MAP3K2: variants seen among roughly 807,000 people sequenced by gnomAD.
MAP3K2 encodes MAP/ERK kinase kinase 2.
A neutral mutation model predicts 80.3 loss-of-function variants in MAP3K2; 24 were observed. That is an observed-to-expected ratio of 0.30 (90% CI 0.22 to 0.42). The LOEUF (loss-of-function observed/expected upper bound fraction) is 0.42. Among genes scored for constraint, MAP3K2 ranks in the 10% least tolerant of loss-of-function variants. MAP3K2 has a pLI of 1.00. For synonymous variants in MAP3K2, 244 were observed against 253.7 expected, an observed-to-expected ratio of 0.96 and a Z score of 0.36; for missense variants, 608 against 750.1, an observed-to-expected ratio of 0.81 and a Z score of 2.21.
rs1195689414 is a variant in MAP3K2 at position 127,321,010 on chromosome 2, C to T, written c.1045+1036G>A. Among the ~76,000 whole-genome samples, 1 of 152,112 alleles carries T rather than the reference C, an allele frequency of 6.6e-6. No homozygotes were observed. Among genetic ancestry groups the T allele is most frequent in the African/African-American group, 2.4e-5 (1 of 41,414 alleles). On this transcript the variant is annotated intron_variant, in intron 12 of 16. Coordinates refer to ENST00000682094, the MANE Select transcript of MAP3K2 (RefSeq NM_001371910.2). The surrounding 1 kb of genome is among the most constrained non-coding windows in gnomAD (Gnocchi z 4.4). Reference sequence around the variant, plus strand: ...TGGTGCATGCCTGTAGTGCCAGATACTTGGGAGTTTGAAGTGGGAGGATTG... The same window carrying T: ...TGGTGCATGCCTGTAGTGCCAGATATTTGGGAGTTTGAAGTGGGAGGATTG...
chr2:127,338,445 G>A (rs1287519675), intron 3 of MAP3K2, among the ~76,000 whole-genome samples: 3 of 152,100 alleles, frequency 2.0e-5, no homozygotes, highest in Non-Finnish European at 4.4e-5. Context: ...ATCAGGCCTA[G>A]TACCCATTAG....
chr2:127,353,907 C>A (rs1686750510), intron 1 of MAP3K2, among the ~76,000 whole-genome samples: 1 of 151,616 alleles, frequency 6.6e-6, no homozygotes, highest in South Asian at 2.1e-4. Flanking sequence ...AAGAAAAATT[C>A]TTCTGCCTTG....
rs920214987 is a variant in MAP3K2 at position 127,310,931 on chromosome 2, A to G, written c.1457-2169T>C. Among the ~76,000 whole-genome samples, 1 of 151,894 alleles carries G rather than the reference A, an allele frequency of 6.6e-6. No homozygotes were observed. ...AATTCTTATTTTTAACTCTTCCATA[A>G]CCTTAACCATATTTTATATTACAAA... On this transcript the variant is annotated intron_variant, in intron 15 of 16. Coordinates refer to ENST00000682094, the MANE Select transcript of MAP3K2 (RefSeq NM_001371910.2). This position sits in a 1 kb window ranked among gnomAD's most constrained non-coding sequence, Gnocchi z 4.8.
upstream of MAP3K2, chr2:127,388,195 C>G (rs11541137): frequency 9.1e-6 from 9 of 984,278 alleles, no homozygotes; most frequent in Non-Finnish European, 9.6e-6. Context: ...GCCCCGCCCC[C>G]GCCCCTGCCC....
At chr2:127,316,329 G>A (rs767989291) in intron 14 of MAP3K2, among the ~76,000 whole-genome samples, 4 of 152,190 alleles carry the variant, frequency 2.6e-5, no homozygotes, top group East Asian at 1.9e-4. Flanking sequence ...AGCTGAGATC[G>A]TGCCATTGCT....
chr2:127,340,172 C>G (rs1043948653), intron 2 of MAP3K2, among the ~76,000 whole-genome samples: 4 of 151,976 alleles, frequency 2.6e-5, no homozygotes, highest in African/African-American at 7.3e-5. Context: ...ATTAATATTT[C>G]CAGGTTAAGA....
chr2:127,359,035 G>A (rs1267942519), intron 1 of MAP3K2, among the ~76,000 whole-genome samples: 1 of 152,174 alleles, frequency 6.6e-6, no homozygotes, highest in African/African-American at 2.4e-5. Context: ...GCATTCAGGA[G>A]GAGGGGAGCA....
chr2:127,342,388 G>GGTGTGTGTGTGT (rs56300936), intron 2 of MAP3K2, among the ~76,000 whole-genome samples: 6,705 of 147,788 alleles, frequency 0.045, 175 homozygotes, highest in East Asian at 0.063. Flanking sequence ...TCTTCATGAG[G>GGTGTGTGTGTGT]GTGTGTGTGT....
chr2:127,358,789 G>A (rs960591989), intron 1 of MAP3K2, among the ~76,000 whole-genome samples: 6 of 151,916 alleles, frequency 3.9e-5, no homozygotes, highest in Non-Finnish European at 8.8e-5. Flanking sequence ...AAAATTAGCC[G>A]GGCACGGTGG....
chr2:127,311,676 G>A (rs891421276), intron 15 of MAP3K2, among the ~76,000 whole-genome samples: 4 of 151,996 alleles, frequency 2.6e-5, no homozygotes, highest in Non-Finnish European at 5.9e-5. Context: ...AATTCAAGAT[G>A]TCATGATCAA....
chr2:127,306,868 G>GTT lies in MAP3K2; in HGVS notation c.*710_*711insAA, dbSNP rs1233970891. 128 of 152,288 alleles carry GTT rather than the reference G, an allele frequency of 8.4e-4. 1 individual carries two copies. The highest frequency in any genetic ancestry group is 2.6e-4 in the Non-Finnish European group (18 of 67,966). The allele number at this position is 152,288 out of a possible 1,614,324, so 9.4% of individuals were successfully genotyped here. ...TTTCCGTGTGTGTGTGTGTGTGTGT[G>GTT]TGTGTGTTTTTAAGCAGAAAGCTAT... On this transcript the variant is annotated 3_prime_UTR_variant, in exon 17 of 17. Transcript: ENST00000682094. The surrounding 1 kb of genome is among the most constrained non-coding windows in gnomAD (Gnocchi z 4.7).
At chr2:127,375,402 A>G (rs1469660065) in intron 1 of MAP3K2, among the ~76,000 whole-genome samples, 1 of 145,480 alleles carries the variant, frequency 6.9e-6, no homozygotes, top group Non-Finnish European at 1.5e-5. Flanking sequence ...CTTTATTATT[A>G]TTTATTTATT....
Position 127,338,841 on chromosome 2 carries a change from T to C in MAP3K2, c.123+91A>G, listed in dbSNP as rs552631807. On this transcript the variant is annotated intron_variant, in intron 3 of 16. Coordinates refer to ENST00000682094, the MANE Select transcript of MAP3K2 (RefSeq NM_001371910.2). ...ACTAACAAAATTCTTGATTCGAAAG[T>C]GTAAAAGCTGAACACATTAAACAAG... 23 of 834,520 alleles carry C rather than the reference T, an allele frequency of 2.8e-5. No individual in the cohort carries two copies. In the African/African-American group the frequency reaches 3.8e-4, roughly 14 times the overall value. The allele number at this position is 834,520 out of a possible 1,614,324, so 51.7% of individuals were successfully genotyped here. A position where few individuals can be genotyped will look rare whatever the true frequency, so the allele number is the denominator to read the frequency against.
rs62157546 is a variant in MAP3K2, at chr2:127,299,303, G to A, written c.*8276C>T. 6,119 of 152,096 alleles carry A rather than the reference G, an allele frequency of 0.04. 185 individuals carry two copies. The highest frequency in any genetic ancestry group is 0.065 in the Admixed American group (989 of 15,282). 9.4% of individuals were successfully genotyped at this position (152,096 alleles called of 1,614,324 possible). A position where few individuals can be genotyped will look rare whatever the true frequency, so the allele number is the denominator to read the frequency against. ...TTCTGCCAGTTACTTAAAACACACA[G>A]TACAATATAAAGACACACAACGTAT... is the stretch of plus-strand genomic sequence containing the variant. On this transcript the variant is annotated 3_prime_UTR_variant, in exon 17 of 17. Transcript: ENST00000682094.
chr2:127,378,154 A>C, intron 1 of MAP3K2: 1 of 984,268 alleles, frequency 1.0e-6, no homozygotes, highest in Non-Finnish European at 1.2e-6. Context: ...ATGGAGATCT[A>C]AAAAACTACA....
intron 7 of MAP3K2, among the ~76,000 whole-genome samples, chr2:127,327,615 T>C (rs1371803700): frequency 1.3e-5 from 2 of 152,126 alleles, no homozygotes; most frequent in African/African-American, 4.8e-5. Context: ...TGACAACCCT[T>C]TTTCACAGTA....
chr2:127,315,978 G>T (rs1685894032), intron 14 of MAP3K2, among the ~76,000 whole-genome samples: 1 of 152,128 alleles, frequency 6.6e-6, no homozygotes, highest in African/African-American at 2.4e-5. Flanking sequence ...AGGAGGCTGA[G>T]GCAGGAGAAT....
chr2:127,367,313 C>T (rs1198810440), intron 1 of MAP3K2, among the ~76,000 whole-genome samples: 2 of 152,070 alleles, frequency 1.3e-5, no homozygotes, highest in Non-Finnish European at 2.9e-5. Flanking sequence ...TACTGTCTGA[C>T]ATATGTATAT....
intron 1 of MAP3K2, among the ~76,000 whole-genome samples, chr2:127,360,328 G>T (rs1686863238): frequency 6.7e-6 from 1 of 148,878 alleles, no homozygotes; most frequent in East Asian, 2.0e-4. Context: ...TTCTAGAAAA[G>T]GTAAACTAAT....
Sources: gnomAD v4.1 joint callset for allele counts (sites outside exome capture counted in the v4.1 genomes callset) on GRCh38, gnomAD v4.1.1 for gene constraint, Gnocchi (gnomAD v3.1) non-coding constraint, MANE v1.5 for transcripts, NCBI Gene and HGNC (gene_info 2026-07-23, HGNC 2026-07-21) for gene names.